The following SCUBE1 variants were observed in gnomAD, a reference collection of about 807,000 sequenced individuals.
SCUBE1 encodes the protein signal peptide, CUB domain and EGF like domain containing 1.
A neutral mutation model predicts 124.4 loss-of-function variants in SCUBE1; 59 were observed. That is an observed-to-expected ratio of 0.47 (90% CI 0.38 to 0.59). SCUBE1 has a LOEUF of 0.59. Ranked by LOEUF, SCUBE1 falls within the 20% of genes least tolerant of loss-of-function variation. The pLI is 0.00. For missense variants in SCUBE1, 1,150 were observed against 1,371.2 expected (o/e 0.84, Z 2.55); for synonymous variants, 545 against 550.9 (o/e 0.99, Z 0.15).
chr22:43,280,840 T>C (rs1375777992), intron 4 of SCUBE1, among the ~76,000 whole-genome samples: 1 of 61,400 alleles, frequency 1.6e-5, no homozygotes, highest in Admixed American at 1.6e-4. Context: ...CCTCCCTCTT[T>C]GGCCACCCTC....
intron 4 of SCUBE1, among the ~76,000 whole-genome samples, chr22:43,286,221 C>T (rs1028674265): frequency 6.6e-6 from 1 of 152,232 alleles, no homozygotes; most frequent in Non-Finnish European, 1.5e-5. Context: ...TTATGACTAT[C>T]TCCATTTTAC....
intron 6 of SCUBE1, among the ~76,000 whole-genome samples, chr22:43,256,699 C>T (rs530740254): frequency 6.6e-6 from 1 of 152,354 alleles, no homozygotes; most frequent in South Asian, 2.1e-4. Flanking sequence ...GCCTGGCAGC[C>T]GTTTGCACTG....
intron 4 of SCUBE1, chr22:43,282,490 C>G (rs1924956398): frequency 6.6e-6 from 1 of 152,218 alleles, no homozygotes; most frequent in Non-Finnish European, 1.5e-5. Flanking sequence ...CCGTTGCTGT[C>G]CACCAAGGTC....
intron 14 of SCUBE1, among the ~76,000 whole-genome samples, chr22:43,219,808 G>T (rs1306984849): frequency 2.6e-4 from 40 of 152,020 alleles, no homozygotes; most frequent in Admixed American, 2.6e-3. Flanking sequence ...TCCCGTGGGG[G>T]GCAGACCTCA....
intron 8 of SCUBE1, among the ~76,000 whole-genome samples, chr22:43,230,896 G>A (rs1039500933): frequency 6.6e-6 from 1 of 152,162 alleles, no homozygotes; most frequent in African/African-American, 2.4e-5. Flanking sequence ...GCACTGACAG[G>A]CAGAAGCACA....
chr22:43,216,267 A>G (rs1431273688), intron 15 of SCUBE1, among the ~76,000 whole-genome samples: 2 of 147,258 alleles, frequency 1.4e-5, no homozygotes, highest in East Asian at 2.2e-4. Context: ...GGCTGGTCTC[A>G]AACTCCTGAC....
At chr22:43,302,272 C>T (rs140234334) in intron 3 of SCUBE1, among the ~76,000 whole-genome samples, 1 of 152,328 alleles carries the variant, frequency 6.6e-6, no homozygotes, top group East Asian at 1.9e-4. Flanking sequence ...GGGTGCAGCT[C>T]AGCGTCTCCT....
At chr22:43,286,114 G>C (rs1055327294) in intron 4 of SCUBE1, among the ~76,000 whole-genome samples, 2 of 152,204 alleles carry the variant, frequency 1.3e-5, no homozygotes, top group African/African-American at 4.8e-5. Flanking sequence ...TGCCCTCTCA[G>C]GGCCTCATTT....
intron 2 of SCUBE1, among the ~76,000 whole-genome samples, chr22:43,335,315 C>T (rs1386620590): frequency 1.3e-5 from 2 of 152,150 alleles, no homozygotes; most frequent in Admixed American, 1.3e-4. Context: ...TATATGTGAG[C>T]ACTCTGGCAG....
intron 3 of SCUBE1, among the ~76,000 whole-genome samples, chr22:43,312,916 G>A (rs4820519): frequency 0.42 from 64,456 of 152,054 alleles, 14,281 homozygotes; most frequent in Non-Finnish European, 0.48. Context: ...ATGGGGCGGG[G>A]GTGGGCAGCA....
At chr22:43,290,474 C>G (rs1343112699) in intron 4 of SCUBE1, among the ~76,000 whole-genome samples, 1 of 152,274 alleles carries the variant, frequency 6.6e-6, no homozygotes, top group Non-Finnish European at 1.5e-5. Flanking sequence ...CCAGGCTCCA[C>G]TTCAGCCTGG....
intron 3 of SCUBE1, among the ~76,000 whole-genome samples, chr22:43,308,667 G>A (rs1333034136): frequency 6.6e-6 from 1 of 152,228 alleles, no homozygotes; most frequent in South Asian, 2.1e-4. Flanking sequence ...CTGGAGCGCG[G>A]CGCCTGCACG....
rs112961401 is a variant in SCUBE1, at chr22:43,202,119, C to G, written c.*1878G>C. On this transcript the variant is annotated 3_prime_UTR_variant, in exon 22 of 22. Transcript: ENST00000360835. ...GCTGATGGCAGCAGGAGCCACGCCG[C>G]GGAGCCCGCTACTGTGGGCACATGT... The G allele has an allele frequency of 6.6e-6, 1 of 152,302 alleles. No individual in the cohort carries two copies. The highest frequency in any genetic ancestry group is 1.5e-5 in the Non-Finnish European group (1 of 68,090). 9.4% of individuals were successfully genotyped at this position (152,302 alleles called of 1,614,324 possible).
intron 2 of SCUBE1, among the ~76,000 whole-genome samples, chr22:43,328,394 C>T (rs1390629271): frequency 6.6e-6 from 1 of 152,204 alleles, no homozygotes; most frequent in African/African-American, 2.4e-5. Flanking sequence ...ATTCCCCCAT[C>T]CCCTTAGGGA....
intron 15 of SCUBE1, among the ~76,000 whole-genome samples, chr22:43,215,105 T>G (rs1449384268): frequency 6.6e-6 from 1 of 152,208 alleles, no homozygotes; most frequent in Non-Finnish European, 1.5e-5. Flanking sequence ...GATTTTGGTT[T>G]CTACCCATCA....
intron 5 of SCUBE1, among the ~76,000 whole-genome samples, chr22:43,259,478 C>T (rs1343032253): frequency 1.3e-5 from 2 of 152,180 alleles, no homozygotes; most frequent in African/African-American, 4.8e-5. Context: ...TTCGGTTGAC[C>T]CCTGAGCACA....
intron 3 of SCUBE1, among the ~76,000 whole-genome samples, chr22:43,293,564 C>T (rs1377089217): frequency 1.3e-5 from 2 of 152,344 alleles, no homozygotes; most frequent in East Asian, 1.9e-4. Flanking sequence ...TGCAGCTTGC[C>T]GTGAGGAGCA....
intron 10 of SCUBE1, among the ~76,000 whole-genome samples, chr22:43,224,066 G>C (rs1356601239): frequency 1.3e-5 from 2 of 152,246 alleles, no homozygotes; most frequent in African/African-American, 2.4e-5. Flanking sequence ...TTAAGCGACA[G>C]CTCAGCTTTC....
chr22:43,252,380 A>G (rs2146700352), intron 6 of SCUBE1, among the ~76,000 whole-genome samples: 1 of 152,248 alleles, frequency 6.6e-6, no homozygotes, highest in African/African-American at 2.4e-5. Flanking sequence ...CGTGGTTTCT[A>G]AGAGATGGCC....
Sources: gnomAD v4.1 joint callset for allele counts (sites outside exome capture counted in the v4.1 genomes callset) on GRCh38, gnomAD v4.1.1 for gene constraint, MANE v1.5 for transcripts, NCBI Gene and HGNC (gene_info 2026-07-23, HGNC 2026-07-21) for gene names.